The following NHERF2 variants were observed in gnomAD, a reference collection of about 807,000 sequenced individuals.
The protein encoded by NHERF2 is Na(+)/H(+) exchange regulatory cofactor NHE-RF2.
chr16:2,029,748 A>G, the NHERF2 span: 3 of 1,546,204 alleles, frequency 1.9e-6, no homozygotes, highest in African/African-American at 4.1e-5. Context: ...GACTGGGCAC[A>G]CACCGGCAGC....
the NHERF2 span, chr16:2,035,453 G>A: frequency 1.0e-6 from 1 of 985,944 alleles, no homozygotes; most frequent in South Asian, 4.7e-5. Context: ...GTGAGGGAAG[G>A]GCCCTGGCAG....
At chr16:2,037,442 A>C in the NHERF2 span, 29 of 1,161,180 alleles carry the variant, frequency 2.5e-5, 1 homozygote, top group South Asian at 2.9e-4. Context: ...CGAGTGGAGG[A>C]GCACACACTG....
the NHERF2 span, among the ~76,000 whole-genome samples, chr16:2,032,083 G>A: frequency 9.5e-5 from 14 of 147,692 alleles, no homozygotes; most frequent in African/African-American, 3.0e-4. This position sits in a 1 kb window ranked among gnomAD's most constrained non-coding sequence, Gnocchi z 4.0. Flanking sequence ...GCTGTGGTGC[G>A]ATCTCGGCTC....
chr16:2,036,778 C>A, the NHERF2 span: 2 of 1,613,464 alleles, frequency 1.2e-6, no homozygotes, highest in Non-Finnish European at 8.5e-7. Context: ...TGGTGGCCAG[C>A]ATCAAGGCAC....
the NHERF2 span, chr16:2,036,906 G>C: frequency 1.3e-6 from 2 of 1,592,714 alleles, no homozygotes; most frequent in Non-Finnish European, 1.7e-6. Context: ...AGGGCACAGG[G>C]TGGGTGCGGT....
the NHERF2 span, chr16:2,033,455 G>T: frequency 2.0e-6 from 3 of 1,500,960 alleles, no homozygotes; most frequent in East Asian, 2.5e-5. Flanking sequence ...GGGAGGAAGG[G>T]AGGGCTAGGA....
the NHERF2 span, chr16:2,035,979 A>G: frequency 3.5e-6 from 1 of 284,272 alleles, no homozygotes; most frequent in Non-Finnish European, 6.6e-6. Context: ...CCTCAGGGAC[A>G]ACCGCCCCAG....
chr16:2,033,127 C>A, the NHERF2 span: 1 of 1,403,190 alleles, frequency 7.1e-7, no homozygotes, highest in Non-Finnish European at 9.3e-7. Flanking sequence ...TTTCTTGGGA[C>A]GGAAGCCTAG....
the NHERF2 span, among the ~76,000 whole-genome samples, chr16:2,030,904 G>C: frequency 2.2e-4 from 33 of 152,046 alleles, 1 homozygote; most frequent in South Asian, 5.6e-3. Context: ...TCCCGCCATA[G>C]CACTCCAGCC....
the NHERF2 span, among the ~76,000 whole-genome samples, chr16:2,029,282 C>T: frequency 6.6e-6 from 1 of 152,232 alleles, no homozygotes; most frequent in Non-Finnish European, 1.5e-5. Context: ...ACCCAGCGGC[C>T]CTATCCTGCA....
At chr16:2,030,031 C>T in the NHERF2 span, among the ~76,000 whole-genome samples, 5 of 152,214 alleles carry the variant, frequency 3.3e-5, no homozygotes, top group Non-Finnish European at 7.3e-5. Flanking sequence ...TGCTCCAGAG[C>T]CACTTGCCCT....
the NHERF2 span, chr16:2,037,109 G>A: frequency 5.4e-5 from 70 of 1,290,254 alleles, no homozygotes; most frequent in African/African-American, 8.8e-5. Context: ...AGTGACACCC[G>A]ATTTTAGCCC....
chr16:2,036,904 G>C, the NHERF2 span: 2 of 1,594,170 alleles, frequency 1.3e-6, no homozygotes, highest in Non-Finnish European at 1.7e-6. Flanking sequence ...CCAGGGCACA[G>C]GGTGGGTGCG....
chr16:2,036,452 G>T, the NHERF2 span: 14 of 1,603,418 alleles, frequency 8.7e-6, no homozygotes, highest in East Asian at 3.2e-4. Flanking sequence ...CTGTGGACCC[G>T]GGCTCACCTG....
At chr16:2,038,274 C>T in the NHERF2 span, 12 of 545,510 alleles carry the variant, frequency 2.2e-5, no homozygotes, top group African/African-American at 9.6e-5. Context: ...CGAGCGAGCG[C>T]GCGGCAGCCG....
At chr16:2,028,493 C>T in the NHERF2 span, among the ~76,000 whole-genome samples, 4 of 152,204 alleles carry the variant, frequency 2.6e-5, no homozygotes, top group Admixed American at 6.5e-5. Flanking sequence ...TGGACTCTCC[C>T]CACTGCCCCA....
the NHERF2 span, among the ~76,000 whole-genome samples, chr16:2,031,402 TC>T: frequency 6.6e-6 from 1 of 152,038 alleles, no homozygotes; most frequent in Non-Finnish European, 1.5e-5. Context: ...AGGAGGAAGC[TC>T]CCCCTCTGCC....
chr16:2,027,297 G>A, the NHERF2 span: 2 of 821,744 alleles, frequency 2.4e-6, no homozygotes, highest in Non-Finnish European at 3.3e-6. Context: ...GTCGCACGGG[G>A]GCCCGAGGGG....
At chr16:2,032,828 T>C in the NHERF2 span, 1 of 998,662 alleles carries the variant, frequency 1.0e-6, no homozygotes, top group Non-Finnish European at 1.2e-6. The surrounding 1 kb of genome is among the most constrained non-coding windows in gnomAD (Gnocchi z 4.0). Flanking sequence ...TGCCAGGCCC[T>C]GGAGGTGGTG....
Sources: gnomAD v4.1 joint callset for allele counts (sites outside exome capture counted in the v4.1 genomes callset) on GRCh38, gnomAD v4.1.1 for gene constraint, Gnocchi (gnomAD v3.1) non-coding constraint, MANE v1.5 for transcripts, NCBI Gene and HGNC (gene_info 2026-07-23, HGNC 2026-07-21) for gene names.